Variants in FAM163B observed in about 807,000 individuals in gnomAD.
FAM163B encodes the protein protein FAM163B.
FAM163B carries 4 observed loss-of-function variants against 7.6 expected under a neutral mutation model. The observed-to-expected ratio is 0.52, with a 90% CI of 0.26 to 1.20. The LOEUF is 1.20. FAM163B is among the 50% of genes most tolerant of loss of function. FAM163B has a pLI of 0.14. For synonymous variants in FAM163B, 120 were observed against 111.6 expected, an observed-to-expected ratio of 1.07 and a Z score of -0.47; for missense variants, 250 against 243.0, an observed-to-expected ratio of 1.03 and a Z score of -0.19.
intron 1 of FAM163B, among the ~76,000 whole-genome samples, chr9:133,599,440 GTGTGTCTGTGTATC>G (rs1486703006): frequency 2.0e-5 from 3 of 152,150 alleles, no homozygotes; most frequent in Non-Finnish European, 4.4e-5. Context: ...TTGCATCTGT[GTGTGTCTGTGTATC>G]TGTGTCTGTG....
At chr9:133,588,802 T>C (rs1365914100) in intron 1 of FAM163B, among the ~76,000 whole-genome samples, 1 of 148,058 alleles carries the variant, frequency 6.8e-6, no homozygotes. Context: ...TGCTGCAGAG[T>C]GAGACACAGG....
intron 1 of FAM163B, among the ~76,000 whole-genome samples, chr9:133,604,219 G>T (rs564449624): frequency 6.6e-6 from 1 of 152,338 alleles, no homozygotes; most frequent in African/African-American, 2.4e-5. Flanking sequence ...GAGTGAACAA[G>T]TATATAAAAT....
chr9:133,590,408 T>G (rs1388483431), intron 1 of FAM163B, among the ~76,000 whole-genome samples: 1 of 151,954 alleles, frequency 6.6e-6, no homozygotes. Context: ...AACAAATAAC[T>G]TAGTCCCGTG....
rs1831350979 is a variant in FAM163B at position 133,581,200 on chromosome 9, G to A, written c.-23-954C>T. Among the ~76,000 whole-genome samples the A allele has an allele frequency of 2.6e-5, 4 of 152,248 alleles. No individual in the cohort carries two copies. In the South Asian group the frequency reaches 6.2e-4, roughly 24 times the overall value. On this transcript the variant is annotated intron_variant, in intron 1 of 2. Transcript: ENST00000673969. ...TGATAAACCAGCTCTCAAAGCACCC[G>A]GCTGGGAGCATTTGCTGATTTTTGT...
chr9:133,584,700 G>A (rs1831406919), intron 1 of FAM163B, among the ~76,000 whole-genome samples: 1 of 152,222 alleles, frequency 6.6e-6, no homozygotes, highest in Admixed American at 6.5e-5. Flanking sequence ...AAACTTCCTG[G>A]AGGAGGAAGC....
In FAM163B at chr9:133,580,047, G is replaced by A. The variant is rs1292030516; in HGVS notation, c.93+84C>T. ...CCACTTCCCGGGCCGTGACCCTTGT[G>A]ACCTTCAGGCGGGGCTCCCTCCCGA... On this transcript the variant is annotated intron_variant, in intron 2 of 2. Transcript: ENST00000673969. 4 of 1,180,648 alleles carry A rather than the reference G, an allele frequency of 3.4e-6. No homozygotes were observed. In the Admixed American group the frequency reaches 7.7e-5, roughly 23 times the overall value. 73.1% of individuals were successfully genotyped at this position (1,180,648 alleles called of 1,614,324 possible). A position where few individuals can be genotyped will look rare whatever the true frequency, so the allele number is the denominator to read the frequency against.
In FAM163B at chr9:133,580,210, G is replaced by T; in HGVS notation, c.14C>A (p.Thr5Asn). 6.2e-7 allele frequency: 1 copy of T among 1,613,480 alleles called. No homozygotes were observed. The highest frequency in any genetic ancestry group is 2.2e-5 in the East Asian group (1 of 44,880). Residue 5 changes from threonine (T) to asparagine (N), a missense_variant, in exon 2 of 3, where the codon ACC becomes AAC. Transcript: ENST00000673969. Reference protein sequence around the residue: MTAGTVVITGGILAT... With the variant: MTAGNVVITGGILAT... ...CAAGATGCCCCCGGTGATGACCACG[G>T]TCCCGGCTGTCATCCGCCCCCTTCT... is the stretch of plus-strand genomic sequence containing the variant.
chr9:133,579,997 G>T, intron 2 of FAM163B, 134 bp downstream of exon 2: 1 of 713,152 alleles, frequency 1.4e-6, no homozygotes, highest in Non-Finnish European at 2.4e-6. Context: ...TCTGCTGTGT[G>T]TCTTCTCTGC....
At chr9:133,579,508 T>G in intron 2 of FAM163B, 79 bp from the exon 3 acceptor site, 1 of 1,474,376 alleles carries the variant, frequency 6.8e-7, no homozygotes, top group South Asian at 1.3e-5. Context: ...TACCCCTGAC[T>G]GGGGAGGGGA....
chr9:133,597,671 A>C (rs569489939), intron 1 of FAM163B, among the ~76,000 whole-genome samples: 1 of 152,140 alleles, frequency 6.6e-6, no homozygotes, highest in Non-Finnish European at 1.5e-5. Flanking sequence ...GAAGAAAACA[A>C]CACCAGGGAA....
Position 133,606,071 on chromosome 9 carries a change from C to T in FAM163B, c.-24+3006G>A, listed in dbSNP as rs7025648. The stretch of plus-strand genomic sequence containing the variant: ...AGCAGGGCTTACAAGCCTGGCGGAA[C>T]CGGACCCCACCTGACTCTCCAGCCT... On this transcript the variant is annotated intron_variant, in intron 1 of 2. Coordinates refer to ENST00000673969, the MANE Select transcript of FAM163B (RefSeq NM_001080515.3). The surrounding 1 kb of genome is among the most constrained non-coding windows in gnomAD (Gnocchi z 4.0). 0.068 allele frequency among the ~76,000 whole-genome samples: 10,411 copies of T among 152,238 alleles called. 368 individuals carry two copies. The highest frequency in any genetic ancestry group is 0.12 in the Middle Eastern group (34 of 294).
intron 1 of FAM163B, among the ~76,000 whole-genome samples, chr9:133,584,053 C>A (rs1831396120): frequency 6.6e-6 from 1 of 152,128 alleles, no homozygotes; most frequent in Admixed American, 6.5e-5. Context: ...GCCCATCCCC[C>A]CCCCGGACCT....
chr9:133,583,940 A>G (rs781782479), intron 1 of FAM163B, among the ~76,000 whole-genome samples: 7 of 152,048 alleles, frequency 4.6e-5, no homozygotes, highest in Non-Finnish European at 8.8e-5. Context: ...CCAGCCTGAC[A>G]TCAGACCACA....
chr9:133,592,483 C>T (rs754172023), intron 1 of FAM163B, among the ~76,000 whole-genome samples: 2 of 152,182 alleles, frequency 1.3e-5, no homozygotes, highest in Admixed American at 6.5e-5. Context: ...TAGAAGAGTG[C>T]CTTCCCTCTT....
chr9:133,586,816 A>T (rs1344457261), intron 1 of FAM163B, among the ~76,000 whole-genome samples: 8 of 152,136 alleles, frequency 5.3e-5, no homozygotes, highest in Non-Finnish European at 7.4e-5. Context: ...ACTGCCACCC[A>T]ACCATGTCAG....
intron 1 of FAM163B, among the ~76,000 whole-genome samples, chr9:133,608,821 G>GC (rs1831819683): frequency 6.6e-6 from 1 of 152,194 alleles, no homozygotes; most frequent in South Asian, 2.1e-4. Context: ...GGGAAATGAA[G>GC]CCCCCCTTCC....
chr9:133,603,756 A>C (rs899126624), intron 1 of FAM163B, among the ~76,000 whole-genome samples: 5 of 152,144 alleles, frequency 3.3e-5, no homozygotes, highest in African/African-American at 1.2e-4. Context: ...CAGGGTGTAC[A>C]TTCCTTTGAA....
rs756523076 is a variant in FAM163B, at chr9:133,601,020, C to A, written c.-24+8057G>T. ...CTCTCCCAAGTACCAGCCATGAGGA[C>A]CCCTGGGAGGGCCCTACCCGCCTGC... On this transcript the variant is annotated intron_variant, in intron 1 of 2. Coordinates refer to ENST00000673969, the MANE Select transcript of FAM163B (RefSeq NM_001080515.3). The surrounding 1 kb of genome is among the most constrained non-coding windows in gnomAD (Gnocchi z 4.1). Among the ~76,000 whole-genome samples the A allele has an allele frequency of 6.6e-6, 1 of 152,126 alleles. No individual in the cohort carries two copies. The highest frequency in any genetic ancestry group is 1.9e-4 in the East Asian group (1 of 5,178).
Position 133,579,129 on chromosome 9 carries a change from C to T in FAM163B, c.394G>A (p.Glu132Lys). ...LYKSVSQEDV[E>K]LPPGGFGGLQ... is the part of the protein sequence containing the mutation. The stretch of plus-strand genomic sequence containing the variant: ...CCCCCGAAGCCCCCCGGGGGCAGCT[C>T]CACGTCCTCCTGGCTCACGCTCTTG... Residue 132 changes from glutamate (E) to lysine (K), a missense_variant, in exon 3 of 3, where the codon GAG (glutamate) becomes AAG (lysine). Physicochemically the swap from Glu to Lys is moderately conservative, Grantham distance 56 (BLOSUM62 1). Coordinates refer to ENST00000673969, the MANE Select transcript of FAM163B (RefSeq NM_001080515.3). 6.2e-7 allele frequency: 1 copy of T among 1,608,926 alleles called. No individual in the cohort carries two copies.
Sources: gnomAD v4.1 joint callset for allele counts (sites outside exome capture counted in the v4.1 genomes callset) on GRCh38, gnomAD v4.1.1 for gene constraint, Gnocchi (gnomAD v3.1) non-coding constraint, MANE v1.5 for transcripts, NCBI Gene and HGNC (gene_info 2026-07-23, HGNC 2026-07-21) for gene names.